The following TERF2 variants were observed in gnomAD, a reference collection of about 807,000 sequenced individuals.
The protein encoded by TERF2 is telomeric repeat binding factor 2, also known as telomeric repeat-binding factor 2.
In TERF2, 16 loss-of-function variants were observed where a neutral mutation model predicts 56.1. The ratio of observed to expected loss-of-function variants is 0.29; its 90% CI spans 0.19 to 0.43. TERF2 has a LOEUF of 0.43. Ranked by LOEUF, TERF2 falls within the 20% of genes least tolerant of loss-of-function variation. TERF2 has a pLI of 1.00. For missense variants in TERF2, 547 were observed against 712.9 expected, an observed-to-expected ratio of 0.77 and a Z score of 2.65; for synonymous variants, 296 against 282.1, an observed-to-expected ratio of 1.05 and a Z score of -0.50.
Position 69,385,416 on chromosome 16 carries a change from C to G in TERF2, c.450G>C (p.Ser150=). The part of the protein sequence containing the change: ...SRLLRVMQCL[S]RIEEGENLDC... ...CTAAATTTTCCCCTTCTTCAATCCGCGACAGACACTGCATAACCCGCAGCA... is the reference window on the plus strand; with the variant it reads ...CTAAATTTTCCCCTTCTTCAATCCGGGACAGACACTGCATAACCCGCAGCA... Residue 150 remains serine (S), a synonymous_variant, in exon 2 of 10, where the codon TCG becomes TCC. Transcript: ENST00000254942. 6.2e-7 allele frequency: 1 copy of G among 1,614,132 alleles called. No individual in the cohort carries two copies. The highest frequency in any genetic ancestry group is 8.5e-7 in the Non-Finnish European group (1 of 1,180,018).
At chr16:69,375,301 G>A (rs2013737850) in intron 3 of TERF2, among the ~76,000 whole-genome samples, 1 of 152,224 alleles carries the variant, frequency 6.6e-6, no homozygotes, top group South Asian at 2.1e-4. Flanking sequence ...TGGAAAATGT[G>A]TTTATAAGAA....
In TERF2 at chr16:69,361,504, A is replaced by G; in HGVS notation, c.1341-15T>C. The stretch of plus-strand genomic sequence containing the variant: ...CTTTGGGTACTCTGAGGGGAGATCA[A>G]GGAGAGCACAGGTATAAAACAAATT... On this transcript the variant is annotated splice_polypyrimidine_tract_variant and intron_variant, in intron 7 of 9. Coordinates refer to ENST00000254942, the MANE Select transcript of TERF2 (RefSeq NM_005652.5). The G allele has an allele frequency of 2.5e-6, 4 of 1,571,520 alleles. No individual in the cohort carries two copies. Among genetic ancestry groups the G allele is most frequent in the Non-Finnish European group, 3.5e-6 (4 of 1,141,314 alleles).
chr16:69,369,735 T>C (rs1203321433), intron 5 of TERF2, among the ~76,000 whole-genome samples: 1 of 152,228 alleles, frequency 6.6e-6, no homozygotes, highest in Non-Finnish European at 1.5e-5. Flanking sequence ...TTTTATCTCT[T>C]TGATCCAATT....
intron 8 of TERF2, among the ~76,000 whole-genome samples, chr16:69,360,503 A>T (rs994782655): frequency 5.9e-5 from 9 of 152,062 alleles, no homozygotes; most frequent in African/African-American, 2.2e-4. Flanking sequence ...CAGGAGTTCG[A>T]GATCATACTG....
chr16:69,370,908 AG>A (rs2013546380), intron 4 of TERF2, among the ~76,000 whole-genome samples: 1 of 152,202 alleles, frequency 6.6e-6, no homozygotes, highest in African/African-American at 2.4e-5. Context: ...AAAGCAATTT[AG>A]AAAAGTGTTC....
At chr16:69,385,272 A>T in intron 2 of TERF2, 119 bp downstream of exon 2, 2 of 857,974 alleles carry the variant, frequency 2.3e-6, no homozygotes, top group Non-Finnish European at 1.9e-6. Flanking sequence ...GTAGAATGAA[A>T]AAGACCACTC....
At chr16:69,368,275 G>C in intron 6 of TERF2, 101 bp downstream of exon 6, 1 of 1,057,796 alleles carries the variant, frequency 9.5e-7, no homozygotes, top group South Asian at 1.4e-5. Context: ...CACGTTAGTA[G>C]GTCGGAGTGC....
At position 69,370,646 on chromosome 16, in the gene TERF2, T is replaced by C; in HGVS notation, c.694-17A>G. On this transcript the variant is annotated splice_polypyrimidine_tract_variant and intron_variant, in intron 4 of 9. Coordinates refer to ENST00000254942, the MANE Select transcript of TERF2 (RefSeq NM_005652.5). ...TCTCAGCTTCTACACAATGGACCGA[T>C]ATTTGCAACATGAGAAAGTAGAACT... is the stretch of plus-strand genomic sequence containing the variant. The C allele has an allele frequency of 3.1e-6, 5 of 1,588,266 alleles. No individual in the cohort carries two copies. Among genetic ancestry groups the C allele is most frequent in the Non-Finnish European group, 2.6e-6 (3 of 1,166,916 alleles).
intron 4 of TERF2, among the ~76,000 whole-genome samples, chr16:69,371,247 C>T (rs2142739690): frequency 6.6e-6 from 1 of 152,076 alleles, no homozygotes; most frequent in South Asian, 2.1e-4. Flanking sequence ...ACCTGTAATG[C>T]CAGCACTTTG....
intron 9 of TERF2, 53 bp from the exon 10 acceptor site, chr16:69,357,109 C>T: frequency 1.3e-6 from 2 of 1,551,572 alleles, no homozygotes; most frequent in Non-Finnish European, 1.7e-6. Flanking sequence ...CACTTACTTA[C>T]ATTTTCTCCA....
intron 3 of TERF2, among the ~76,000 whole-genome samples, chr16:69,379,782 A>G (rs2142762214): frequency 6.6e-6 from 1 of 152,362 alleles, no homozygotes; most frequent in African/African-American, 2.4e-5. Flanking sequence ...TACTAAGATA[A>G]AAGTTTAATG....
At chr16:69,359,904 C>A (rs1031996146) in intron 8 of TERF2, among the ~76,000 whole-genome samples, 1 of 151,768 alleles carries the variant, frequency 6.6e-6, no homozygotes, top group Non-Finnish European at 1.5e-5. Flanking sequence ...CAGGCGTGAG[C>A]CACCACTCCT....
intron 8 of TERF2, among the ~76,000 whole-genome samples, chr16:69,361,156 C>T (rs979448342): frequency 7.9e-5 from 12 of 151,872 alleles, no homozygotes; most frequent in Admixed American, 7.9e-4. Context: ...TCACTTGAGC[C>T]CAGAAGGTTG....
chr16:69,373,498 G>A (rs997929679), intron 3 of TERF2, among the ~76,000 whole-genome samples: 2 of 152,176 alleles, frequency 1.3e-5, no homozygotes, highest in Non-Finnish European at 1.5e-5. Context: ...CTGTCTGAGA[G>A]ACACAGATTC....
Position 69,368,722 on chromosome 16 carries a change from G to C in TERF2, c.841-240C>G. 3 of 925,058 alleles carry C rather than the reference G, an allele frequency of 3.2e-6. No individual in the cohort carries two copies. In the South Asian group the frequency reaches 4.3e-5, roughly 13 times the overall value. The allele number at this position is 925,058 out of a possible 1,614,324, so 57.3% of individuals were successfully genotyped here. A position where few individuals can be genotyped will look rare whatever the true frequency, so the allele number is the denominator to read the frequency against. The stretch of plus-strand genomic sequence containing the variant: ...GAGGGAGTCTTGCTCTGTCGCCCAG[G>C]CTGCAGCACAGTGGTGCAATCTCGG... On this transcript the variant is annotated intron_variant, in intron 5 of 9. Coordinates refer to ENST00000254942, the MANE Select transcript of TERF2 (RefSeq NM_005652.5).
intron 2 of TERF2, 178 bp from the exon 3 acceptor site, chr16:69,384,888 C>T (rs1412715798): frequency 1.8e-6 from 1 of 554,036 alleles, no homozygotes; most frequent in East Asian, 3.6e-5. Context: ...AAATTCAAAT[C>T]AATGAATTTA....
At chr16:69,381,878 C>T (rs763672825) in intron 3 of TERF2, among the ~76,000 whole-genome samples, 9 of 152,110 alleles carry the variant, frequency 5.9e-5, no homozygotes, top group Non-Finnish European at 1.2e-4. Context: ...TTACCAAAGA[C>T]ATTCTTTTTT....
intron 2 of TERF2, among the ~76,000 whole-genome samples, chr16:69,384,990 T>C (rs1222987189): frequency 6.6e-6 from 1 of 152,134 alleles, no homozygotes; most frequent in Admixed American, 6.6e-5. Flanking sequence ...ATACCCATCC[T>C]CCTCAGATAC....
intron 4 of TERF2, 105 bp downstream of exon 4, chr16:69,372,164 G>A: frequency 2.8e-6 from 2 of 714,956 alleles, no homozygotes; most frequent in Non-Finnish European, 4.7e-6. Context: ...ATGTTGAAAG[G>A]AGAATATTTA....
Sources: allele counts gnomAD v4.1 joint callset (sites outside exome capture counted in the v4.1 genomes callset), GRCh38; gene constraint gnomAD v4.1.1; transcripts MANE v1.5; gene names NCBI Gene and HGNC (gene_info 2026-07-23, HGNC 2026-07-21).